The following SPATA31F3 variants were observed in gnomAD, a reference collection of about 807,000 sequenced individuals.
SPATA31F3 encodes protein SPATA31F3.
the SPATA31F3 span, chr9:34,895,704 C>G: frequency 2.5e-6 from 1 of 404,804 alleles, no homozygotes; most frequent in African/African-American, 2.1e-5. Context: ...TCCCACAAAA[C>G]AAAGGTAGGG....
the SPATA31F3 span, chr9:34,889,144 T>A: frequency 3.8e-5 from 15 of 398,638 alleles, no homozygotes; most frequent in South Asian, 1.7e-3. Flanking sequence ...TGAAAGCCTT[T>A]TTCAGGGGAT....
At chr9:34,889,499 G>A in the SPATA31F3 span, 2 of 398,606 alleles carry the variant, frequency 5.0e-6, no homozygotes, top group South Asian at 2.5e-4. Context: ...TCTTCTCAAT[G>A]TTTTTTGTCC....
At chr9:34,895,088 A>G in the SPATA31F3 span, 185 of 398,568 alleles carry the variant, frequency 4.6e-4, 4 homozygotes, top group East Asian at 5.0e-3. Flanking sequence ...GGTGACACTT[A>G]AAGACAAAAA....
the SPATA31F3 span, chr9:34,894,963 G>A: frequency 2.5e-6 from 1 of 398,140 alleles, no homozygotes; most frequent in African/African-American, 2.1e-5. Flanking sequence ...GTTAGCAGCA[G>A]GGGTCATAGA....
chr9:34,895,568 T>A, the SPATA31F3 span: 13 of 398,556 alleles, frequency 3.3e-5, no homozygotes, highest in Non-Finnish European at 5.3e-5. Context: ...ATGGTCATAG[T>A]GTTTCCCTAC....
the SPATA31F3 span, chr9:34,894,916 G>A: frequency 2.5e-6 from 1 of 397,016 alleles, no homozygotes; most frequent in Non-Finnish European, 4.4e-6. Flanking sequence ...ATTGTCCCTG[G>A]GGGGTACTAG....
At chr9:34,892,932 G>A in the SPATA31F3 span, 2 of 685,560 alleles carry the variant, frequency 2.9e-6, no homozygotes, top group African/African-American at 3.5e-5. Context: ...TTGGATTTCG[G>A]GGAGCCCAGA....
the SPATA31F3 span, among the ~76,000 whole-genome samples, chr9:34,894,731 A>G: frequency 6.6e-6 from 1 of 152,220 alleles, no homozygotes; most frequent in Non-Finnish European, 1.5e-5. Context: ...TGCCCATTTT[A>G]TGGAGAACAA....
the SPATA31F3 span, chr9:34,892,733 A>G: frequency 2.2e-6 from 1 of 458,676 alleles, no homozygotes; most frequent in South Asian, 5.5e-5. Flanking sequence ...AGGCTTCTCA[A>G]AGTTTGAAGA....
the SPATA31F3 span, among the ~76,000 whole-genome samples, chr9:34,890,405 G>T: frequency 6.6e-6 from 1 of 152,186 alleles, no homozygotes; most frequent in African/African-American, 2.4e-5. Context: ...CCTCCAGGCT[G>T]GGTTGTTCAC....
At chr9:34,895,236 A>G in the SPATA31F3 span, among the ~76,000 whole-genome samples, 2 of 151,922 alleles carry the variant, frequency 1.3e-5, no homozygotes, top group Admixed American at 6.6e-5. Context: ...TTTTCACCCC[A>G]AGAGTTTTCT....
the SPATA31F3 span, chr9:34,892,930 C>T: frequency 2.2e-5 from 15 of 684,552 alleles, no homozygotes; most frequent in Admixed American, 1.5e-4. Context: ...CTTTGGATTT[C>T]GGGGAGCCCA....
chr9:34,894,950 G>A, the SPATA31F3 span: 1 of 398,040 alleles, frequency 2.5e-6, no homozygotes, highest in Non-Finnish European at 4.4e-6. Context: ...TAGAGCACCT[G>A]CTGTTAGCAG....
the SPATA31F3 span, chr9:34,895,167 C>A: frequency 2.5e-6 from 1 of 398,252 alleles, no homozygotes; most frequent in South Asian, 1.3e-4. Context: ...ATAAACATTT[C>A]CTGGTCTTTT....
At chr9:34,895,449 T>A in the SPATA31F3 span, 398 of 397,372 alleles carry the variant, frequency 1.0e-3, 1 homozygote, top group Middle Eastern at 6.9e-3. Context: ...TCACCCAAAT[T>A]GGGAGCTCTT....
the SPATA31F3 span, chr9:34,892,760 T>C: frequency 3.8e-6 from 2 of 528,810 alleles, no homozygotes; most frequent in Non-Finnish European, 6.8e-6. Flanking sequence ...TCCCATGACC[T>C]GGGACACAGC....
At chr9:34,889,310 G>A in the SPATA31F3 span, 4 of 398,576 alleles carry the variant, frequency 1.0e-5, no homozygotes, top group Non-Finnish European at 1.8e-5. Flanking sequence ...TTGTAGGAGT[G>A]GCACAGGACC....
At chr9:34,892,062 A>C in the SPATA31F3 span, among the ~76,000 whole-genome samples, 1 of 152,210 alleles carries the variant, frequency 6.6e-6, no homozygotes, top group Admixed American at 6.5e-5. Context: ...AAGTCAGACC[A>C]GGGATCTCTA....
At chr9:34,894,473 C>A in the SPATA31F3 span, 1 of 398,612 alleles carries the variant, frequency 2.5e-6, no homozygotes, top group Non-Finnish European at 4.4e-6. Context: ...TCCACAACTT[C>A]TCGGCTTCTT....
Sources: allele counts gnomAD v4.1 joint callset (sites outside exome capture counted in the v4.1 genomes callset), GRCh38; gene constraint gnomAD v4.1.1; transcripts MANE v1.5; gene names NCBI Gene and HGNC (gene_info 2026-07-23, HGNC 2026-07-21).